Variants in NAV3 observed in about 807,000 individuals in gnomAD.
NAV3 encodes the protein pore membrane and/or filament interacting like protein 1.
In NAV3, 87 loss-of-function variants were observed where a neutral mutation model predicts 244.7. The ratio of observed to expected loss-of-function variants is 0.36; its 90% CI spans 0.30 to 0.42. The LOEUF is 0.42. Ranked by LOEUF, NAV3 falls within the 20% of genes least tolerant of loss-of-function variation. NAV3 has a pLI of 1.00. For missense variants in NAV3, 2,663 were observed against 2,893.3 expected (o/e 0.92, Z 1.83); for synonymous variants, 1,126 against 1,042.2 (o/e 1.08, Z -1.55).
intron 20 of NAV3, chr12:78,143,419 T>C: frequency 2.3e-6 from 1 of 438,122 alleles, no homozygotes; most frequent in Non-Finnish European, 4.6e-6. Flanking sequence ...TCACTTGAGG[T>C]CAGGAGTTCG....
intron 3 of NAV3, among the ~76,000 whole-genome samples, chr12:77,948,073 T>TA (rs1405772260): frequency 6.6e-6 from 1 of 151,816 alleles, no homozygotes; most frequent in Non-Finnish European, 1.5e-5. Flanking sequence ...CTACCTTGAT[T>TA]AAAAAAAATG....
chr12:78,112,175 A>G (rs1955128745), intron 12 of NAV3, among the ~76,000 whole-genome samples: 1 of 152,144 alleles, frequency 6.6e-6, no homozygotes, highest in African/African-American at 2.4e-5. Flanking sequence ...ACAACTGAAT[A>G]ATTTAATTTG....
chr12:77,977,912 A>G (rs532907592), intron 5 of NAV3, among the ~76,000 whole-genome samples: 1 of 152,292 alleles, frequency 6.6e-6, no homozygotes, highest in African/African-American at 2.4e-5. Flanking sequence ...CAGTCCAAGT[A>G]AACAAAGGAT....
At chr12:77,620,180 T>A (rs1262562381) in intron 2 of NAV3, among the ~76,000 whole-genome samples, 1 of 152,204 alleles carries the variant, frequency 6.6e-6, no homozygotes, top group Non-Finnish European at 1.5e-5. Context: ...TGCCACTGAT[T>A]AACTAGCTGT....
At chr12:77,764,953 C>G (rs1447484497) in intron 2 of NAV3, among the ~76,000 whole-genome samples, 2 of 152,172 alleles carry the variant, frequency 1.3e-5, no homozygotes, top group Non-Finnish European at 2.9e-5. Flanking sequence ...TGTAAAAATC[C>G]CTTAATGGTG....
intron 20 of NAV3, among the ~76,000 whole-genome samples, chr12:78,142,915 A>T (rs1346402038): frequency 6.6e-6 from 1 of 152,002 alleles, no homozygotes; most frequent in African/African-American, 2.4e-5. Flanking sequence ...TAGTAAAATA[A>T]TTCAAATAAA....
chr12:77,663,966 A>G (rs1873598406), intron 2 of NAV3, among the ~76,000 whole-genome samples: 1 of 152,190 alleles, frequency 6.6e-6, no homozygotes, highest in Non-Finnish European at 1.5e-5. Flanking sequence ...TATTTTTACC[A>G]TTATTATTAA....
In NAV3 at chr12:78,198,641, T is replaced by C; in HGVS notation, c.6483T>C (p.Ser2161=). The change falls in exon 36 of 40, where the codon TCT becomes TCC. Residue 2161 remains serine (S), a synonymous_variant. Transcript: ENST00000397909. ...YIIGTMNQGV[S]SSPNLELHHN... Reference sequence around the variant, plus strand: ...TTGGAACAATGAATCAGGGAGTTTCTTCATCACCAAATCTAGAGCTGCATC... The same window carrying C: ...TTGGAACAATGAATCAGGGAGTTTCCTCATCACCAAATCTAGAGCTGCATC... 1 of 1,593,822 alleles carries C rather than the reference T, an allele frequency of 6.3e-7. No homozygotes were observed. Among genetic ancestry groups the C allele is most frequent in the Non-Finnish European group, 8.6e-7 (1 of 1,168,548 alleles).
intron 1 of NAV3, among the ~76,000 whole-genome samples, chr12:77,834,204 C>T (rs946126637): frequency 1.3e-5 from 2 of 152,132 alleles, no homozygotes; most frequent in African/African-American, 4.8e-5. Context: ...GGGTGGAGCC[C>T]TAGCCAGGGA....
intron 8 of NAV3, 109 bp from the exon 9 acceptor site, chr12:78,021,638 C>CT: frequency 1.4e-6 from 1 of 711,368 alleles, no homozygotes; most frequent in Non-Finnish European, 2.4e-6. Context: ...TAAAGAAATA[C>CT]TTACCTTGAT....
chr12:78,173,310 C>A lies in NAV3; in HGVS notation c.4982-1996C>A, dbSNP rs975672868. Among the ~76,000 whole-genome samples the A allele has an allele frequency of 2.0e-5, 3 of 151,462 alleles. No homozygotes were observed. The Admixed American group carries it at 2.0e-4, about 10-fold the overall frequency. On this transcript the variant is annotated intron_variant, in intron 24 of 39. Coordinates refer to ENST00000397909, the MANE Select transcript of NAV3 (RefSeq NM_001024383.2). ...TCATAATTGAAGGTAACTGATACTT[C>A]CAAGGACTACTTTTGACCTAGGATT...
chr12:77,791,648 A>G (rs1175620735), intron 2 of NAV3, among the ~76,000 whole-genome samples: 1 of 152,212 alleles, frequency 6.6e-6, no homozygotes, highest in Non-Finnish European at 1.5e-5. Context: ...GACTTCAGGC[A>G]TGTGGCAGGG....
At chr12:78,180,276 A>T (rs1233478573) in intron 29 of NAV3, among the ~76,000 whole-genome samples, 1 of 152,140 alleles carries the variant, frequency 6.6e-6, no homozygotes, top group African/African-American at 2.4e-5. Context: ...ACCACAGATG[A>T]CTGCAATAAG....
chr12:77,812,334 T>G (rs1872325131), intron 2 of NAV3, among the ~76,000 whole-genome samples: 1 of 152,192 alleles, frequency 6.6e-6, no homozygotes, highest in African/African-American at 2.4e-5. Flanking sequence ...TTCCCTCCTC[T>G]AAACTTTCAT....
At position 77,977,274 on chromosome 12, in the gene NAV3, A is replaced by T. The variant is rs1593175319; in HGVS notation, c.671+8572A>T. On this transcript the variant is annotated intron_variant, in intron 5 of 39. Transcript: ENST00000397909. ...TGTACAAAAGAGAATGAGAGGGAGG[A>T]ATTACAGAGAGAGATGTACAATTTG... is the stretch of plus-strand genomic sequence containing the variant. Among the ~76,000 whole-genome samples the T allele has an allele frequency of 5.3e-5, 8 of 152,208 alleles. No individual in the cohort carries two copies. In the South Asian group the frequency reaches 1.7e-3, roughly 32 times the overall value.
intron 24 of NAV3, among the ~76,000 whole-genome samples, chr12:78,172,273 T>C (rs927098881): frequency 6.6e-6 from 1 of 151,706 alleles, no homozygotes; most frequent in African/African-American, 2.4e-5. Flanking sequence ...ACTAAGTTGT[T>C]TTTTAGACAT....
intron 12 of NAV3, among the ~76,000 whole-genome samples, chr12:78,080,861 C>G (rs1057133885): frequency 2.0e-5 from 3 of 152,222 alleles, no homozygotes; most frequent in Admixed American, 6.5e-5. Flanking sequence ...CTAATTACCT[C>G]AAACTTGCTT....
intron 2 of NAV3, among the ~76,000 whole-genome samples, chr12:77,646,094 C>T (rs1269804069): frequency 1.3e-5 from 2 of 152,094 alleles, no homozygotes; most frequent in East Asian, 1.9e-4. Context: ...CATGGACAAA[C>T]GTCTTGGCAT....
chr12:77,853,099 A>C (rs576650358), intron 1 of NAV3, among the ~76,000 whole-genome samples: 11 of 152,314 alleles, frequency 7.2e-5, no homozygotes, highest in Non-Finnish European at 1.2e-4. Context: ...TTTCTTACTA[A>C]CCTGAATGCA....
Sources: gnomAD v4.1 joint callset for allele counts (sites outside exome capture counted in the v4.1 genomes callset) on GRCh38, gnomAD v4.1.1 for gene constraint, MANE v1.5 for transcripts, NCBI Gene and HGNC (gene_info 2026-07-23, HGNC 2026-07-21) for gene names.